Variants in CDC14A observed in about 807,000 individuals in gnomAD.
CDC14A encodes dual specificity protein phosphatase CDC14A.
In CDC14A, 53 loss-of-function variants were observed where a neutral mutation model predicts 74.4. The ratio of observed to expected loss-of-function variants is 0.71; its 90% CI spans 0.57 to 0.89. CDC14A has a LOEUF of 0.89. CDC14A is among the 40% of genes least tolerant of loss of function. The probability of loss-of-function intolerance (pLI) is 0.00; values close to 1 mark genes in which losing one functional copy is unlikely to be tolerated. For synonymous variants in CDC14A, 247 were observed against 258.4 expected (o/e 0.96, Z 0.43); for missense variants, 646 against 713.7 (o/e 0.91, Z 1.08).
At chr1:100,496,308 TG>T (rs1247333761) in intron 13 of CDC14A, among the ~76,000 whole-genome samples, 1 of 151,572 alleles carries the variant, frequency 6.6e-6, no homozygotes, top group Non-Finnish European at 1.5e-5. Flanking sequence ...TAGCACATTG[TG>T]GAGGGGGGTC....
Position 100,462,698 on chromosome 1 carries a change from C to T in CDC14A, c.655C>T (p.His219Tyr). ...PEAYFPYFKK[H>Y]NVTAVVRLNK... ...AGCCTACTTTCCTTATTTCAAAAAG[C>T]ATAATGTGACTGCAGTTGTGAGGCT... Residue 219 changes from histidine (H) to tyrosine (Y), a missense_variant, in exon 9 of 16, where the codon CAT becomes TAT. His to Tyr is a moderately conservative substitution (Grantham distance 83). Coordinates refer to ENST00000336454, the MANE Select transcript of CDC14A (RefSeq NM_003672.4). 1 of 1,614,126 alleles carries T rather than the reference C, an allele frequency of 6.2e-7. No individual in the cohort carries two copies. Among genetic ancestry groups the T allele is most frequent in the Non-Finnish European group, 8.5e-7 (1 of 1,180,002 alleles).
At position 100,390,755 on chromosome 1, in the gene CDC14A, A is replaced by C. The variant is rs145199717; in HGVS notation, c.240A>C (p.Lys80Asn). The C allele has an allele frequency of 1.3e-4, 206 of 1,612,444 alleles. No homozygotes were observed. Among genetic ancestry groups the C allele is most frequent in the Non-Finnish European group, 1.7e-4 (200 of 1,178,984 alleles). The change falls in exon 4 of 16, where the codon AAA (lysine) becomes AAC (asparagine). Residue 80 changes from lysine (K) to asparagine (N), a missense_variant. Coordinates refer to ENST00000336454, the MANE Select transcript of CDC14A (RefSeq NM_003672.4). The stretch of plus-strand genomic sequence containing the variant: ...AGTCATACAGTTTGTCAAGAAAGAA[A>C]ATAGTGCACTACACCTGTTTTGACC... Reference protein sequence around the residue: ...KLKSYSLSRKKIVHYTCFDQR... With the variant: ...KLKSYSLSRKNIVHYTCFDQR...
intron 10 of CDC14A, among the ~76,000 whole-genome samples, chr1:100,475,967 C>T (rs1038404574): frequency 7.2e-5 from 11 of 152,168 alleles, no homozygotes; most frequent in East Asian, 1.9e-4. Context: ...GGGGTGCCTA[C>T]CTATAGCCTG....
chr1:100,366,836 T>C (rs185896076), intron 2 of CDC14A, among the ~76,000 whole-genome samples: 353 of 152,340 alleles, frequency 2.3e-3, no homozygotes, highest in Non-Finnish European at 3.9e-3. Context: ...ATGAGTTTCA[T>C]TGTAGGCATT....
chr1:100,468,522 T>C (rs1668072586), intron 10 of CDC14A, among the ~76,000 whole-genome samples: 1 of 152,140 alleles, frequency 6.6e-6, no homozygotes, highest in Admixed American at 6.5e-5. Flanking sequence ...CTAACTAAAC[T>C]GCTAATGTAG....
intron 2 of CDC14A, among the ~76,000 whole-genome samples, chr1:100,361,627 C>G (rs1652761298): frequency 6.6e-6 from 1 of 152,192 alleles, no homozygotes; most frequent in Non-Finnish European, 1.5e-5. Flanking sequence ...AAAAAGATTT[C>G]AGGCAGAGTC....
At chr1:100,412,712 ATATATATATATTT>A (rs1392193116) in intron 4 of CDC14A, among the ~76,000 whole-genome samples, 30 of 102,412 alleles carry the variant, frequency 2.9e-4, no homozygotes, top group South Asian at 1.0e-3. Context: ...ATATATATAT[ATATATATATATTT>A]TATATATATA....
intron 4 of CDC14A, among the ~76,000 whole-genome samples, chr1:100,422,786 CTATT>C (rs1662519074): frequency 1.3e-5 from 2 of 152,098 alleles, no homozygotes; most frequent in South Asian, 2.1e-4. Context: ...TATTTTTAAT[CTATT>C]TATTTTATTT....
At chr1:100,453,052 A>AT (rs1666306502) in intron 7 of CDC14A, among the ~76,000 whole-genome samples, 1 of 152,032 alleles carries the variant, frequency 6.6e-6, no homozygotes, top group African/African-American at 2.4e-5. Flanking sequence ...TTCCTTATTA[A>AT]TTTTTTCTCA....
intron 5 of CDC14A, among the ~76,000 whole-genome samples, chr1:100,435,488 G>T (rs933106422): frequency 6.6e-6 from 1 of 152,114 alleles, no homozygotes; most frequent in Non-Finnish European, 1.5e-5. Context: ...GGTGATGGTT[G>T]TACAACATTA....
chr1:100,393,136 T>C (rs1008671255), intron 4 of CDC14A: 133 of 1,496,802 alleles, frequency 8.9e-5, no homozygotes, highest in Middle Eastern at 5.3e-4. Context: ...AGTCTCATAA[T>C]TCTTACTACA....
chr1:100,514,017 A>G (rs895698656), intron 15 of CDC14A, among the ~76,000 whole-genome samples: 5 of 152,224 alleles, frequency 3.3e-5, no homozygotes, highest in Admixed American at 6.5e-5. Context: ...CCACATATTC[A>G]TAATAAACTT....
intron 2 of CDC14A, among the ~76,000 whole-genome samples, chr1:100,360,945 C>A (rs1557679639): frequency 6.6e-6 from 1 of 152,076 alleles, no homozygotes; most frequent in Non-Finnish European, 1.5e-5. Flanking sequence ...CTTCCAAGTT[C>A]TTTCTGTGCC....
intron 15 of CDC14A, among the ~76,000 whole-genome samples, chr1:100,513,547 G>T (rs1260656357): frequency 1.3e-5 from 2 of 152,118 alleles, no homozygotes; most frequent in African/African-American, 4.8e-5. Flanking sequence ...CAAGTTATTT[G>T]AACATTAAGA....
chr1:100,381,338 G>C lies in CDC14A; in HGVS notation c.216+3717G>C, dbSNP rs184502471. On this transcript the variant is annotated intron_variant, in intron 3 of 15. Transcript: ENST00000336454. ...TAATAACGTCTTAAATGCTGAATCT[G>C]ATGGCACTTGCTGGATCCTCAAACT... Among the ~76,000 whole-genome samples, 5 of 152,316 alleles carry C rather than the reference G, an allele frequency of 3.3e-5. No homozygotes were observed. In the East Asian group the frequency reaches 9.6e-4, roughly 29 times the overall value.
chr1:100,410,709 A>G (rs1660576845), intron 4 of CDC14A, among the ~76,000 whole-genome samples: 2 of 152,284 alleles, frequency 1.3e-5, no homozygotes, highest in African/African-American at 4.8e-5. Flanking sequence ...ACACATGTGT[A>G]CTGATGAAAA....
chr1:100,477,268 T>C (rs1260393887), intron 10 of CDC14A, among the ~76,000 whole-genome samples: 2 of 152,106 alleles, frequency 1.3e-5, no homozygotes, highest in African/African-American at 4.8e-5. Context: ...CTGCTTTGTA[T>C]AGATAGCAAA....
At chr1:100,404,190 C>CAAAAA (rs34245613) in intron 4 of CDC14A, among the ~76,000 whole-genome samples, 12 of 133,636 alleles carry the variant, frequency 9.0e-5, no homozygotes, top group Admixed American at 3.0e-4. Flanking sequence ...GACTCCGTCT[C>CAAAAA]AAAAAAAAAA....
chr1:100,373,995 C>T (rs564355314), intron 2 of CDC14A, among the ~76,000 whole-genome samples: 1 of 152,282 alleles, frequency 6.6e-6, no homozygotes, highest in African/African-American at 2.4e-5. Context: ...TGATGTTCCC[C>T]TTCCTGTGTC....
Sources: allele counts gnomAD v4.1 joint callset (sites outside exome capture counted in the v4.1 genomes callset), GRCh38; gene constraint gnomAD v4.1.1; transcripts MANE v1.5; gene names NCBI Gene and HGNC (gene_info 2026-07-23, HGNC 2026-07-21).